Variants in PALM observed in about 807,000 individuals in gnomAD.
The protein encoded by PALM is paralemmin.
In PALM, 18 loss-of-function variants were observed where a neutral mutation model predicts 30.7. The observed-to-expected ratio is 0.59, with a 90% CI of 0.41 to 0.87. PALM has a LOEUF of 0.87. Among genes scored for constraint, PALM ranks in the 40% least tolerant of loss-of-function variants. The pLI, the probability that PALM is intolerant of heterozygous loss-of-function variation, is 0.00. For synonymous variants in PALM, 286 were observed against 242.8 expected (o/e 1.18, Z -1.66); for missense variants, 529 against 555.4 (o/e 0.95, Z 0.48).
rs117275251 is a variant in PALM at position 719,214 on chromosome 19, G to T, written c.6-6924G>T. The T allele has an allele frequency of 8.8e-4, 869 of 985,496 alleles. 23 individuals carry two copies. In the Admixed American group the frequency reaches 0.045, roughly 51 times the overall value. The allele number at this position is 985,496 out of a possible 1,614,324, so 61.0% of individuals were successfully genotyped here. A position where few individuals can be genotyped will look rare whatever the true frequency, so the allele number is the denominator to read the frequency against. ...CCCCCATCCCACACACGCCCCTCCC[G>T]CCTCGGACAGGGCCCGCCCTGCTCG... On this transcript the variant is annotated intron_variant, in intron 1 of 8. Coordinates refer to ENST00000338448, the MANE Select transcript of PALM (RefSeq NM_002579.3).
intron 2 of PALM, 23 bp downstream of exon 2, chr19:726,212 A>C: frequency 6.2e-7 from 1 of 1,609,830 alleles, no homozygotes; most frequent in Non-Finnish European, 8.5e-7. Flanking sequence ...CGCCCCGCAG[A>C]CGGTGTGGTC....
Position 710,466 on chromosome 19 carries a change from T to C in PALM, c.5+1315T>C, listed in dbSNP as rs1452898438. Among the ~76,000 whole-genome samples the C allele has an allele frequency of 2.0e-5, 3 of 152,162 alleles. No individual in the cohort carries two copies. The East Asian group carries it at 5.8e-4, about 29-fold the overall frequency. On this transcript the variant is annotated intron_variant, in intron 1 of 8. Coordinates refer to ENST00000338448, the MANE Select transcript of PALM (RefSeq NM_002579.3). ...CTGCTCGCCAGGCCCCGGAGGAGCC[T>C]CTGGGCCTCTGACAGCCAGGCCTGG...
chr19:722,120 G>T (rs978338652), intron 1 of PALM, among the ~76,000 whole-genome samples: 2 of 150,702 alleles, frequency 1.3e-5, no homozygotes, highest in South Asian at 4.2e-4. Context: ...GGGTTTCACC[G>T]TGTTAGCCAG....
At position 731,227 on chromosome 19, in the gene PALM, G is replaced by A. The variant is rs749607168; in HGVS notation, c.402G>A (p.Val134=). 1 of 1,610,322 alleles carries A rather than the reference G, an allele frequency of 6.2e-7. No homozygotes were observed. The highest frequency in any genetic ancestry group is 1.1e-5 in the South Asian group (1 of 90,560). The part of the protein sequence containing the change: ...SPAKEERKTE[V]VMNSQQTPVG... ...CCAAGGAGGAGCGCAAGACAGAGGT[G>A]GTGATGAATTCACAGCAGGTAAGGG... The change falls in exon 5 of 9, where the codon GTG becomes GTA. Residue 134 remains valine, a synonymous_variant. Transcript: ENST00000338448.
chr19:740,560 T>C (rs10419493), intron 8 of PALM, 77 bp downstream of exon 8: 1,271,281 of 1,363,874 alleles, frequency 0.93, 592,821 homozygotes, highest in East Asian at 1. Flanking sequence ...CGTGTGGGTC[T>C]GGCGTCTGCC....
At chr19:711,867 G>T (rs546244977) in intron 1 of PALM, among the ~76,000 whole-genome samples, 1 of 152,208 alleles carries the variant, frequency 6.6e-6, no homozygotes, top group Admixed American at 6.6e-5. Context: ...CGACTTCCCT[G>T]CCTCAGCCTC....
In PALM at chr19:746,417, C is replaced by T. The variant is rs772159264; in HGVS notation, c.767C>T (p.Thr256Ile). ...GGGTCCACGGCCGGGGCGGCAGAGA[C>T]CCGGGGGGCTGTGGAGGGGGCAGCC... The part of the protein sequence containing the change: ...EAGSTAGAAE[T>I]RGAVEGAART... The change falls in exon 9 of 9, where the codon ACC becomes ATC. Residue 256 changes from threonine (T) to isoleucine (I), a missense_variant. Coordinates refer to ENST00000338448, the MANE Select transcript of PALM (RefSeq NM_002579.3). This position sits in a 1 kb window ranked among gnomAD's most constrained non-coding sequence, Gnocchi z 7.1. 43 of 1,611,414 alleles carry T rather than the reference C, an allele frequency of 2.7e-5. No individual in the cohort carries two copies. The highest frequency in any genetic ancestry group is 3.5e-5 in the Non-Finnish European group (41 of 1,179,116).
chr19:744,257 A>G (rs1971638), intron 8 of PALM, among the ~76,000 whole-genome samples: 66,340 of 151,578 alleles, frequency 0.44, 15,553 homozygotes, highest in East Asian at 0.66. Flanking sequence ...AAAATTAGCC[A>G]GGTGTGGTGG....
chr19:718,035 A>T (rs1870976442), intron 1 of PALM, among the ~76,000 whole-genome samples: 1 of 152,066 alleles, frequency 6.6e-6, no homozygotes, highest in Non-Finnish European at 1.5e-5. Flanking sequence ...TACGAAAATT[A>T]GCCGGGCGTG....
intron 1 of PALM, among the ~76,000 whole-genome samples, chr19:720,212 C>A (rs1329634031): frequency 6.6e-6 from 1 of 151,966 alleles, no homozygotes; most frequent in South Asian, 2.1e-4. Flanking sequence ...GCCCCACCCC[C>A]GCGCGCCGGG....
intron 1 of PALM, among the ~76,000 whole-genome samples, chr19:720,338 C>A (rs1218052932): frequency 7.6e-6 from 1 of 130,820 alleles, no homozygotes; most frequent in Non-Finnish European, 1.7e-5. Context: ...GGGGGCGCAT[C>A]CTGCGTGTCC....
chr19:741,326 C>T (rs1342983435), intron 8 of PALM, among the ~76,000 whole-genome samples: 1 of 151,944 alleles, frequency 6.6e-6, no homozygotes, highest in Non-Finnish European at 1.5e-5. Context: ...GCCGCAGCCC[C>T]TGCAAAGGCC....
At chr19:726,952 G>T in intron 2 of PALM, 56 bp from the exon 3 acceptor site, 1 of 1,064,962 alleles carries the variant, frequency 9.4e-7, no homozygotes, top group Non-Finnish European at 1.4e-6. Context: ...TGTGGGGGTG[G>T]GGGGGTCTCC....
chr19:741,623 G>C (rs2033199104), intron 8 of PALM, among the ~76,000 whole-genome samples: 1 of 151,984 alleles, frequency 6.6e-6, no homozygotes, highest in Admixed American at 6.6e-5. Flanking sequence ...ACGCAGGGAG[G>C]AGAAGGGTGC....
At chr19:737,935 C>T (rs1036744169) in intron 7 of PALM, among the ~76,000 whole-genome samples, 6 of 152,276 alleles carry the variant, frequency 3.9e-5, no homozygotes, top group South Asian at 2.1e-4. Flanking sequence ...TGCTCACCCA[C>T]GCCCTCTGGT....
chr19:724,358 G>T (rs555684485), intron 1 of PALM, among the ~76,000 whole-genome samples: 1 of 152,234 alleles, frequency 6.6e-6, no homozygotes, highest in African/African-American at 2.4e-5. Flanking sequence ...GTCTTGCTCT[G>T]TTGCCCAGGC....
At chr19:725,370 C>G (rs1399680760) in intron 1 of PALM, among the ~76,000 whole-genome samples, 2 of 151,802 alleles carry the variant, frequency 1.3e-5, no homozygotes. Context: ...ACCAGCCTGG[C>G]CAACATGGTG....
rs566820585 is a variant in PALM at position 727,020 on chromosome 19, C to T, written c.70C>T (p.Arg24Trp). ...GCCCTCCCCACAGGAGAAGCGGAAG[C>T]GGCAGGCGGAGATCGAGAACAAGCG... is the stretch of plus-strand genomic sequence containing the variant. ...RLQAIAEKRK[R>W]QAEIENKRRQ... Residue 24 changes from arginine to tryptophan, a missense_variant, in exon 3 of 9, where the codon CGG (arginine) becomes TGG (tryptophan). By Grantham distance (101) the Arg-to-Trp change is moderately radical. Transcript: ENST00000338448. The T allele has an allele frequency of 1.1e-5, 16 of 1,520,012 alleles. No homozygotes were observed. Among genetic ancestry groups the T allele is most frequent in the East Asian group, 2.5e-5 (1 of 40,160 alleles). 94.2% of individuals were successfully genotyped at this position (1,520,012 alleles called of 1,614,324 possible). A position where few individuals can be genotyped will look rare whatever the true frequency, so the allele number is the denominator to read the frequency against.
chr19:711,750 A>G (rs573273143), intron 1 of PALM, among the ~76,000 whole-genome samples: 7 of 152,184 alleles, frequency 4.6e-5, no homozygotes, highest in African/African-American at 1.7e-4. Flanking sequence ...AGTGGTTTTG[A>G]AGGCAAGGAA....
Sources: allele counts gnomAD v4.1 joint callset (sites outside exome capture counted in the v4.1 genomes callset), GRCh38; gene constraint gnomAD v4.1.1; non-coding constraint Gnocchi (gnomAD v3.1); transcripts MANE v1.5; gene names NCBI Gene and HGNC (gene_info 2026-07-23, HGNC 2026-07-21).